CERS6: variants seen among roughly 807,000 people sequenced by gnomAD.
CERS6 encodes the protein LAG1 homolog, ceramide synthase 6.
In CERS6, 26 loss-of-function variants were observed where a neutral mutation model predicts 56.8. That is an observed-to-expected ratio of 0.46 (90% confidence interval 0.34 to 0.63). The LOEUF is 0.63. Ranked by LOEUF, CERS6 falls within the 30% of genes least tolerant of loss-of-function variation. The pLI is 0.01. For missense variants in CERS6, 415 were observed against 467.5 expected (o/e 0.89, Z 1.04); for synonymous variants, 164 against 173.3 (o/e 0.95, Z 0.42).
intron 6 of CERS6, among the ~76,000 whole-genome samples, chr2:168,708,309 A>G (rs1413165746): frequency 6.6e-6 from 1 of 152,190 alleles, no homozygotes; most frequent in Non-Finnish European, 1.5e-5. Flanking sequence ...TTCTACCGCC[A>G]GCATTCTGAG....
intron 1 of CERS6, among the ~76,000 whole-genome samples, chr2:168,484,145 T>C (rs1355527207): frequency 1.3e-5 from 2 of 149,676 alleles, no homozygotes; most frequent in East Asian, 3.9e-4. Flanking sequence ...CCTATTTTTT[T>C]CTTTTTCTTT....
intron 2 of CERS6, among the ~76,000 whole-genome samples, chr2:168,558,481 C>T (rs764313396): frequency 6.6e-5 from 10 of 152,106 alleles, no homozygotes; most frequent in African/African-American, 4.8e-5. Context: ...ACCCAAAGCC[C>T]GGACAAATGT....
At chr2:168,615,955 A>T (rs1574102564) in intron 3 of CERS6, among the ~76,000 whole-genome samples, 3 of 152,336 alleles carry the variant, frequency 2.0e-5, no homozygotes, top group South Asian at 4.1e-4. Context: ...AAAGAATCTT[A>T]AGAGCTGTGA....
At chr2:168,642,303 C>G (rs1284166669) in intron 4 of CERS6, among the ~76,000 whole-genome samples, 1 of 152,198 alleles carries the variant, frequency 6.6e-6, no homozygotes, top group Non-Finnish European at 1.5e-5. Flanking sequence ...GATCGTGCCA[C>G]TGCACTCCAG....
At chr2:168,687,377 C>G (rs1433325391) in intron 4 of CERS6, among the ~76,000 whole-genome samples, 2 of 152,182 alleles carry the variant, frequency 1.3e-5, no homozygotes, top group Admixed American at 6.5e-5. Context: ...TCTTACTTTT[C>G]CCTAGTACCT....
intron 4 of CERS6, among the ~76,000 whole-genome samples, chr2:168,637,873 C>G (rs1292905761): frequency 6.6e-6 from 1 of 151,476 alleles, no homozygotes; most frequent in African/African-American, 2.4e-5. Flanking sequence ...TTCAATATAT[C>G]TTTAATACTT....
intron 4 of CERS6, among the ~76,000 whole-genome samples, chr2:168,661,450 C>A (rs61487873): frequency 6.6e-6 from 1 of 152,104 alleles, no homozygotes; most frequent in Non-Finnish European, 1.5e-5. Context: ...AGGAGCACAG[C>A]GATTCACATA....
At chr2:168,736,628 T>C (rs527866072) in intron 8 of CERS6, among the ~76,000 whole-genome samples, 2 of 152,320 alleles carry the variant, frequency 1.3e-5, no homozygotes, top group South Asian at 4.1e-4. Flanking sequence ...AGGGTACCTA[T>C]GTAGAGGAGG....
intron 1 of CERS6, among the ~76,000 whole-genome samples, chr2:168,522,842 C>T (rs1451572170): frequency 6.6e-6 from 1 of 152,164 alleles, no homozygotes; most frequent in Non-Finnish European, 1.5e-5. Flanking sequence ...AACCACTGTG[C>T]CTGGCCCCTG....
intron 6 of CERS6, among the ~76,000 whole-genome samples, chr2:168,710,115 C>CA (rs1687054082): frequency 6.6e-6 from 1 of 151,908 alleles, no homozygotes. Context: ...GATTTATATG[C>CA]AAAAAACATC....
intron 6 of CERS6, among the ~76,000 whole-genome samples, chr2:168,714,068 T>C (rs778112098): frequency 2.6e-5 from 4 of 152,214 alleles, no homozygotes; most frequent in Non-Finnish European, 5.9e-5. Flanking sequence ...TGGTATCTGA[T>C]GAGGGCCCAT....
chr2:168,678,279 C>T (rs976398263), intron 4 of CERS6, among the ~76,000 whole-genome samples: 2 of 152,124 alleles, frequency 1.3e-5, no homozygotes, highest in Admixed American at 6.5e-5. Flanking sequence ...TGGCCCTTCG[C>T]GAATCGCTGC....
chr2:168,677,261 C>T (rs905182136), intron 4 of CERS6, among the ~76,000 whole-genome samples: 2 of 151,906 alleles, frequency 1.3e-5, no homozygotes, highest in Non-Finnish European at 2.9e-5. Flanking sequence ...TGAGTGAGAA[C>T]ATGCAGTGTT....
At chr2:168,631,556 T>C (rs1456977759) in intron 4 of CERS6, among the ~76,000 whole-genome samples, 2 of 118,980 alleles carry the variant, frequency 1.7e-5, no homozygotes, top group Non-Finnish European at 3.2e-5. Flanking sequence ...ATATTTTTAA[T>C]ATTTATATAT....
chr2:168,484,178 T>G (rs1694232132), intron 1 of CERS6, among the ~76,000 whole-genome samples: 2 of 93,746 alleles, frequency 2.1e-5, no homozygotes, highest in African/African-American at 8.9e-5. Flanking sequence ...TTTTTTTTTT[T>G]TTTTTTTTTT....
chr2:168,729,299 G>A (rs760879508), intron 8 of CERS6, among the ~76,000 whole-genome samples: 14 of 152,214 alleles, frequency 9.2e-5, no homozygotes, highest in Non-Finnish European at 2.9e-5. Context: ...TTACTTGAGA[G>A]AACTGATGTT....
intron 3 of CERS6, among the ~76,000 whole-genome samples, chr2:168,597,330 C>G (rs1012327179): frequency 2.0e-5 from 3 of 152,178 alleles, no homozygotes; most frequent in Admixed American, 1.3e-4. Context: ...CTCTGCCTGG[C>G]AACCTCCACT....
chr2:168,639,423 A>G lies in CERS6; in HGVS notation c.465+8381A>G, dbSNP rs1032437535. Among the ~76,000 whole-genome samples the G allele has an allele frequency of 2.6e-5, 4 of 152,234 alleles. No homozygotes were observed. In the East Asian group the frequency reaches 7.7e-4, roughly 29 times the overall value. ...AGACCTCTCTGACACAGAAAGAAAA[A>G]TGATTTACTGAATTTAGCGAGGAAA... is the stretch of plus-strand genomic sequence containing the variant. On this transcript the variant is annotated intron_variant, in intron 4 of 9. Transcript: ENST00000305747.
At chr2:168,624,980 A>G (rs974978840) in intron 3 of CERS6, among the ~76,000 whole-genome samples, 31 of 152,282 alleles carry the variant, frequency 2.0e-4, no homozygotes, top group Admixed American at 1.8e-3. Flanking sequence ...GTCCAACTGT[A>G]TAATTTCACT....
Sources: gnomAD v4.1 joint callset for allele counts (sites outside exome capture counted in the v4.1 genomes callset) on GRCh38, gnomAD v4.1.1 for gene constraint, MANE v1.5 for transcripts, NCBI Gene and HGNC (gene_info 2026-07-23, HGNC 2026-07-21) for gene names.